The following DEPDC4 variants were observed in gnomAD, a reference collection of about 807,000 sequenced individuals.
DEPDC4 encodes the protein DEP domain-containing protein 4.
In DEPDC4, 52 loss-of-function variants were observed where a neutral mutation model predicts 52.0. That is an observed-to-expected ratio of 1.00 (90% CI 0.80 to 1.26). The LOEUF (loss-of-function observed/expected upper bound fraction) is 1.26. Ranked by LOEUF, DEPDC4 falls within the 50% of genes most tolerant of loss-of-function variation. DEPDC4 has a pLI of 0.00. For missense variants in DEPDC4, 530 were observed against 546.9 expected (o/e 0.97, Z 0.31); for synonymous variants, 201 against 196.8 (o/e 1.02, Z -0.18).
chr12:100,244,095 GTATATATATATA>G lies in DEPDC4; in HGVS notation c.1454-1538_1454-1527del, dbSNP rs774444544. Among the ~76,000 whole-genome samples, 170 of 51,638 alleles carry G rather than the reference GTATATATATATA, an allele frequency of 3.3e-3. 9 individuals carry two copies. In the East Asian group the frequency reaches 0.072, roughly 22 times the overall value. The allele number at this position is 51,638 out of a possible 152,430, so 33.9% of individuals were successfully genotyped here. ...CCTCTCTCTCTCTCTCTCTCTCTGT[GTATATATATATA>G]TATATATATATATATATATATATAT... On this transcript the variant is annotated intron_variant, in intron 8 of 9. Coordinates refer to ENST00000550587, the MANE Select transcript of DEPDC4 (RefSeq NM_001364818.2).
rs1239807415 is a variant in DEPDC4 at position 100,261,177 on chromosome 12, T to C, written c.700+1087A>G. Among the ~76,000 whole-genome samples, 7 of 139,326 alleles carry C rather than the reference T, an allele frequency of 5.0e-5. No homozygotes were observed. In the South Asian group the frequency reaches 1.5e-3, roughly 31 times the overall value. The allele number at this position is 139,326 out of a possible 152,430, so 91.4% of individuals were successfully genotyped here. Reference sequence around the variant, plus strand: ...GCCTGGGCAACAGAGCGAGACTCCGTCTCAAAAAAAAAAAAAAAAAAAGAG... The same window carrying C: ...GCCTGGGCAACAGAGCGAGACTCCGCCTCAAAAAAAAAAAAAAAAAAAGAG... On this transcript the variant is annotated intron_variant, in intron 3 of 9. Transcript: ENST00000550587.
Position 100,244,107 on chromosome 12 carries a change from A to G in DEPDC4, c.1454-1538T>C, listed in dbSNP as rs1206597087. On this transcript the variant is annotated intron_variant, in intron 8 of 9. Coordinates refer to ENST00000550587, the MANE Select transcript of DEPDC4 (RefSeq NM_001364818.2). Reference sequence around the variant, plus strand: ...TCTCTCTCTCTGTGTATATATATATATATATATATATATATATATATATAT... The same window carrying G: ...TCTCTCTCTCTGTGTATATATATATGTATATATATATATATATATATATAT... Among the ~76,000 whole-genome samples the G allele has an allele frequency of 1.8e-4, 13 of 73,426 alleles. 1 individual carries two copies. The East Asian group carries it at 2.2e-3, about 12-fold the overall frequency. 48.2% of individuals were successfully genotyped at this position (73,426 alleles called of 152,430 possible). A position where few individuals can be genotyped will look rare whatever the true frequency, so the allele number is the denominator to read the frequency against.
At chr12:100,280,944 A>G in the DEPDC4 span, among the ~76,000 whole-genome samples, 1 of 151,958 alleles carries the variant, frequency 6.6e-6, no homozygotes, top group Non-Finnish European at 1.5e-5. Context: ...CATTAATAAC[A>G]AACCTATGTA....
chr12:100,275,011 T>C, the DEPDC4 span, among the ~76,000 whole-genome samples: 1 of 152,198 alleles, frequency 6.6e-6, no homozygotes, highest in Non-Finnish European at 1.5e-5. Context: ...ATATTGAATC[T>C]TCCAATTCAT....
chr12:100,234,989 G>C (rs2096139132), intron 9 of DEPDC4, among the ~76,000 whole-genome samples: 3 of 151,876 alleles, frequency 2.0e-5, no homozygotes, highest in Non-Finnish European at 4.4e-5. Flanking sequence ...CAGTTTCTTT[G>C]TAAACAAGTT....
chr12:100,262,149 G>GAAGGTGAGTGGAAGCAA, intron 3 of DEPDC4, 115 bp downstream of exon 3: 1 of 1,002,352 alleles, frequency 1.0e-6, no homozygotes, highest in Non-Finnish European at 1.4e-6. Flanking sequence ...GGGGTATGTG[G>GAAGGTGAGTGGAAGCAA]GAACTGTACT....
At chr12:100,270,266 C>A (rs80294810), upstream of DEPDC4, among the ~76,000 whole-genome samples, 6,649 of 152,106 alleles carry the variant, frequency 0.044, 395 homozygotes, top group East Asian at 0.28. Context: ...GGATTAAAGG[C>A]GTGAGCCACC....
At chr12:100,248,331 C>T (rs1592878793) in intron 8 of DEPDC4, among the ~76,000 whole-genome samples, 1 of 152,164 alleles carries the variant, frequency 6.6e-6, no homozygotes, top group African/African-American at 2.4e-5. Flanking sequence ...GGTGCTGGCA[C>T]TCACAGATAT....
intron 8 of DEPDC4, among the ~76,000 whole-genome samples, chr12:100,247,768 G>T (rs545391464): frequency 6.6e-6 from 1 of 152,094 alleles, no homozygotes; most frequent in East Asian, 1.9e-4. Context: ...CATATACTCC[G>T]TATTCAAAGA....
chr12:100,236,071 C>CT (rs140544045), downstream of DEPDC4, among the ~76,000 whole-genome samples: 1 of 152,164 alleles, frequency 6.6e-6, no homozygotes, highest in African/African-American at 2.4e-5. Flanking sequence ...ATATACCACA[C>CT]TTTGTTTATC....
At chr12:100,255,411 G>A (rs1401752401) in intron 4 of DEPDC4, among the ~76,000 whole-genome samples, 2 of 152,216 alleles carry the variant, frequency 1.3e-5, no homozygotes, top group Non-Finnish European at 2.9e-5. Context: ...AAGATCTGAA[G>A]TTTTCTGTTC....
chr12:100,275,748 T>G, the DEPDC4 span, among the ~76,000 whole-genome samples: 1 of 152,250 alleles, frequency 6.6e-6, no homozygotes, highest in South Asian at 2.1e-4. Flanking sequence ...TATACTTACC[T>G]TGTTCTGAAA....
At chr12:100,280,895 T>A in the DEPDC4 span, among the ~76,000 whole-genome samples, 2 of 152,014 alleles carry the variant, frequency 1.3e-5, no homozygotes, top group Admixed American at 1.3e-4. Flanking sequence ...TTATTAAAAA[T>A]TACCAATTAA....
chr12:100,255,060 C>T (rs2096226672), intron 4 of DEPDC4, among the ~76,000 whole-genome samples: 1 of 152,180 alleles, frequency 6.6e-6, no homozygotes, highest in Admixed American at 6.5e-5. Flanking sequence ...ATGAACAGTA[C>T]ATCTTGCCTA....
the DEPDC4 span, among the ~76,000 whole-genome samples, chr12:100,272,558 G>T: frequency 2.6e-5 from 4 of 152,166 alleles, no homozygotes; most frequent in Middle Eastern, 6.8e-3. Flanking sequence ...TGGCCTGCAT[G>T]TCTAAAAACC....
the DEPDC4 span, among the ~76,000 whole-genome samples, chr12:100,278,630 C>CTTTT: frequency 8.3e-6 from 1 of 120,524 alleles, no homozygotes; most frequent in East Asian, 2.3e-4. Context: ...TGGGGAAATT[C>CTTTT]TTTTTTTTTT....
chr12:100,277,367 A>G, the DEPDC4 span, among the ~76,000 whole-genome samples: 1 of 152,214 alleles, frequency 6.6e-6, no homozygotes, highest in African/African-American at 2.4e-5. Context: ...GAAGTCTCCA[A>G]CTATAATTAT....
intron 7 of DEPDC4, among the ~76,000 whole-genome samples, chr12:100,251,300 A>G (rs111242403): frequency 0.023 from 3,511 of 152,240 alleles, 96 homozygotes; most frequent in African/African-American, 0.066. Flanking sequence ...GAGAAATAAC[A>G]CCATTGAAAG....
the DEPDC4 span, among the ~76,000 whole-genome samples, chr12:100,276,328 T>C: frequency 1.1e-4 from 16 of 152,138 alleles, no homozygotes; most frequent in African/African-American, 3.6e-4. Flanking sequence ...TTTTATTTTC[T>C]TTCTTTTTAT....
Sources: allele counts gnomAD v4.1 joint callset (sites outside exome capture counted in the v4.1 genomes callset), GRCh38; gene constraint gnomAD v4.1.1; transcripts MANE v1.5; gene names NCBI Gene and HGNC (gene_info 2026-07-23, HGNC 2026-07-21).